IGSF23: variants seen among roughly 807,000 people sequenced by gnomAD.
The protein encoded by IGSF23 is immunoglobulin superfamily member 23.
In IGSF23, 14 loss-of-function variants were observed where a neutral mutation model predicts 17.8. That is an observed-to-expected ratio of 0.79 (90% confidence interval 0.52 to 1.23). The LOEUF (loss-of-function observed/expected upper bound fraction) is 1.23. Among genes scored for constraint, IGSF23 ranks in the 50% most tolerant of loss-of-function variants. The pLI is 0.00. For missense variants in IGSF23, 214 were observed against 241.7 expected, an observed-to-expected ratio of 0.89 and a Z score of 0.76; for synonymous variants, 85 against 92.5, an observed-to-expected ratio of 0.92 and a Z score of 0.46.
Position 44,615,786 on chromosome 19 carries a change from C to T in IGSF23, c.125+2016C>T, listed in dbSNP as rs962458647. On this transcript the variant is annotated intron_variant, in intron 1 of 4. Coordinates refer to ENST00000402988, the MANE Select transcript of IGSF23 (RefSeq NM_001205280.2). ...ATTTTGTCAGAGCTGTTGTCTGAGG[C>T]CTCTCTCAGGGCGGAGGGCAGAGGG... Among the ~76,000 whole-genome samples the T allele has an allele frequency of 3.3e-5, 5 of 151,974 alleles. No homozygotes were observed. In the East Asian group the frequency reaches 9.6e-4, roughly 29 times the overall value.
chr19:44,624,498 T>G (rs1190669850), intron 2 of IGSF23, among the ~76,000 whole-genome samples: 3 of 151,776 alleles, frequency 2.0e-5, no homozygotes, highest in African/African-American at 7.3e-5. Context: ...TTGTCCAGGC[T>G]GGTCTCGAAC....
intron 3 of IGSF23, chr19:44,632,110 A>AT (rs1318170814): frequency 1.0e-5 from 4 of 391,682 alleles, no homozygotes; most frequent in East Asian, 2.1e-4. Flanking sequence ...AAGTATGTTC[A>AT]TTTTTTCTGG....
chr19:44,621,987 C>T (rs755200906), intron 1 of IGSF23, among the ~76,000 whole-genome samples: 3 of 151,960 alleles, frequency 2.0e-5, no homozygotes, highest in Non-Finnish European at 2.9e-5. Context: ...TTTGGGAGGC[C>T]GAGGCGGGTG....
intron 4 of IGSF23, among the ~76,000 whole-genome samples, chr19:44,635,932 G>A (rs989699975): frequency 1.3e-5 from 2 of 152,186 alleles, no homozygotes; most frequent in African/African-American, 2.4e-5. Context: ...CAGCTGGGTA[G>A]TTCTGGTCTC....
At chr19:44,626,678 A>T (rs1352428560) in intron 2 of IGSF23, among the ~76,000 whole-genome samples, 1 of 152,180 alleles carries the variant, frequency 6.6e-6, no homozygotes, top group African/African-American at 2.4e-5. Context: ...CGGGTGGGTC[A>T]CTTGAGGCTA....
In IGSF23 at chr19:44,628,142, G is replaced by A. The variant is rs184823885; in HGVS notation, c.545+569G>A. Among the ~76,000 whole-genome samples, 24 of 151,828 alleles carry A rather than the reference G, an allele frequency of 1.6e-4. No individual in the cohort carries two copies. In the South Asian group the frequency reaches 5.0e-3, roughly 32 times the overall value. ...GTATATTTAGCAGAGACAGGGTTTCGCCATGTTGGTCAGGCTGATCTCAAA... is the reference window on the plus strand; with the variant it reads ...GTATATTTAGCAGAGACAGGGTTTCACCATGTTGGTCAGGCTGATCTCAAA... On this transcript the variant is annotated intron_variant, in intron 3 of 4. Transcript: ENST00000402988.
intron 2 of IGSF23, among the ~76,000 whole-genome samples, chr19:44,625,563 T>G (rs1972626551): frequency 6.6e-6 from 1 of 152,130 alleles, no homozygotes; most frequent in African/African-American, 2.4e-5. Flanking sequence ...ATGGAGGTAA[T>G]CCTATATACC....
At chr19:44,618,994 AAAAG>A (rs1299558170) in intron 1 of IGSF23, among the ~76,000 whole-genome samples, 38 of 152,180 alleles carry the variant, frequency 2.5e-4, no homozygotes, top group African/African-American at 7.9e-4. Context: ...AAAAAAAAAA[AAAAG>A]AAGAAGACGT....
Position 44,628,472 on chromosome 19 carries a change from G to A in IGSF23, c.545+899G>A, listed in dbSNP as rs531665665. On this transcript the variant is annotated intron_variant, in intron 3 of 4. Coordinates refer to ENST00000402988, the MANE Select transcript of IGSF23 (RefSeq NM_001205280.2). ...ATAGATAGTATATTGGATGGGCCAG[G>A]TGTAGTGGCTCACACCTGTAATCCC... Among the ~76,000 whole-genome samples the A allele has an allele frequency of 3.1e-4, 47 of 152,306 alleles. No individual in the cohort carries two copies. The South Asian group carries it at 5.2e-3, about 17-fold the overall frequency.
chr19:44,623,140 G>C (rs1972558020), intron 1 of IGSF23, among the ~76,000 whole-genome samples: 1 of 152,174 alleles, frequency 6.6e-6, no homozygotes, highest in African/African-American at 2.4e-5. Flanking sequence ...TCCTAGATTT[G>C]GTTCACCCAG....
intron 3 of IGSF23, among the ~76,000 whole-genome samples, chr19:44,633,713 G>T (rs572597078): frequency 1.3e-5 from 2 of 152,268 alleles, no homozygotes; most frequent in South Asian, 4.1e-4. Context: ...TATCTGCCAA[G>T]CCTTTAAATT....
chr19:44,635,961 A>G (rs1051986051), intron 4 of IGSF23, among the ~76,000 whole-genome samples: 7 of 152,292 alleles, frequency 4.6e-5, no homozygotes, highest in Middle Eastern at 3.4e-3. Flanking sequence ...TCGCTCCTGC[A>G]TCTGGGGTCA....
chr19:44,623,601 A>T (rs1972567708), intron 1 of IGSF23, 106 bp from the exon 2 acceptor site: 3 of 1,153,926 alleles, frequency 2.6e-6, no homozygotes, highest in Non-Finnish European at 3.7e-6. Flanking sequence ...TTAATGAATG[A>T]ATGAACACAT....
At chr19:44,619,145 A>G (rs1270338366) in intron 1 of IGSF23, among the ~76,000 whole-genome samples, 1 of 152,146 alleles carries the variant, frequency 6.6e-6, no homozygotes, top group Non-Finnish European at 1.5e-5. Context: ...GAGCAAGAGA[A>G]AGAGAGAGTC....
chr19:44,628,639 C>G (rs569996215), intron 3 of IGSF23, among the ~76,000 whole-genome samples: 1 of 152,186 alleles, frequency 6.6e-6, no homozygotes, highest in East Asian at 1.9e-4. Context: ...ATAGTCCCAG[C>G]TACTCAGGAG....
At chr19:44,621,248 A>C (rs1599733410) in intron 1 of IGSF23, among the ~76,000 whole-genome samples, 1 of 144,548 alleles carries the variant, frequency 6.9e-6, no homozygotes, top group Admixed American at 7.2e-5. Context: ...TTGCCACTGC[A>C]CTCCAGCCTG....
intron 1 of IGSF23, among the ~76,000 whole-genome samples, chr19:44,617,432 C>CA (rs921299551): frequency 3.3e-5 from 5 of 151,090 alleles, no homozygotes; most frequent in South Asian, 4.2e-4. Flanking sequence ...GTTCTCACCA[C>CA]AAAAAAAATA....
chr19:44,622,082 T>C (rs1439028314), intron 1 of IGSF23, among the ~76,000 whole-genome samples: 1 of 151,906 alleles, frequency 6.6e-6, no homozygotes, highest in Non-Finnish European at 1.5e-5. Flanking sequence ...ATTAGCCGGA[T>C]GTGGTGGCGG....
intron 1 of IGSF23, 28 bp downstream of exon 1, chr19:44,613,798 T>C: frequency 1.3e-6 from 2 of 1,549,558 alleles, no homozygotes; most frequent in Non-Finnish European, 1.7e-6. Flanking sequence ...GTGGCCAGGG[T>C]AGGGCATGGT....
Sources: gnomAD v4.1 joint callset for allele counts (sites outside exome capture counted in the v4.1 genomes callset) on GRCh38, gnomAD v4.1.1 for gene constraint, MANE v1.5 for transcripts, NCBI Gene and HGNC (gene_info 2026-07-23, HGNC 2026-07-21) for gene names.